PCDHA9: variants seen among roughly 807,000 people sequenced by gnomAD.
PCDHA9 encodes the protein protocadherin alpha-9.
PCDHA9 carries 62 observed loss-of-function variants against 62.0 expected under a neutral mutation model. That is an observed-to-expected ratio of 1.00 (90% CI 0.81 to 1.23). The LOEUF (loss-of-function observed/expected upper bound fraction) is 1.23. PCDHA9 is among the 50% of genes most tolerant of loss of function. The pLI is 0.00. For synonymous variants in PCDHA9, 557 were observed against 567.6 expected, an observed-to-expected ratio of 0.98 and a Z score of 0.27; for missense variants, 1,205 against 1,249.8, an observed-to-expected ratio of 0.96 and a Z score of 0.54.
intron 1 of PCDHA9, among the ~76,000 whole-genome samples, chr5:140,939,155 G>C (rs1279259680): frequency 6.6e-6 from 1 of 152,196 alleles, no homozygotes; most frequent in Non-Finnish European, 1.5e-5. Flanking sequence ...GGTCCTGGCA[G>C]ATTTGTGTCT....
chr5:140,857,687 A>C, intron 1 of PCDHA9: 1 of 1,597,130 alleles, frequency 6.3e-7, no homozygotes, highest in South Asian at 1.1e-5. Context: ...TCTGGGCAGC[A>C]ACTTGACGCT....
At position 140,968,564 on chromosome 5, in the gene PCDHA9, G is replaced by A. The variant is rs565573880; in HGVS notation, c.2395-10385G>A. ...CGAGATGGTGCCTCGAACTGCCCCT[G>A]CTGGCTACCTGGTCACCAAAGTCAT... On this transcript the variant is annotated intron_variant, in intron 1 of 3. Coordinates refer to ENST00000532602, the MANE Select transcript of PCDHA9 (RefSeq NM_031857.2). 3.1e-6 allele frequency: 5 copies of A among 1,614,168 alleles called. No homozygotes were observed. The Admixed American group carries it at 8.3e-5, about 27-fold the overall frequency.
chr5:140,868,974 C>T (rs2050775096), intron 1 of PCDHA9: 4 of 1,471,768 alleles, frequency 2.7e-6, no homozygotes, highest in South Asian at 1.4e-5. Flanking sequence ...GGAACTCCAT[C>T]ATACCGGATG....
intron 1 of PCDHA9, among the ~76,000 whole-genome samples, chr5:140,951,706 G>A (rs2094621330): frequency 6.6e-6 from 1 of 152,060 alleles, no homozygotes; most frequent in African/African-American, 2.4e-5. Context: ...CTTTGGGCGG[G>A]GACACAGATC....
intron 1 of PCDHA9, chr5:140,968,462 A>G: frequency 6.2e-7 from 1 of 1,614,104 alleles, no homozygotes; most frequent in African/African-American, 1.3e-5. Flanking sequence ...TGTGACTGCC[A>G]ACGTATATGT....
At chr5:140,884,523 A>T (rs1393275293) in intron 1 of PCDHA9, 1 of 1,614,030 alleles carries the variant, frequency 6.2e-7, no homozygotes, top group Non-Finnish European at 8.5e-7. Flanking sequence ...TCGTACTCGC[A>T]GCAGAGGCGG....
At chr5:140,902,203 C>CT (rs148688132) in intron 1 of PCDHA9, among the ~76,000 whole-genome samples, 2,237 of 124,430 alleles carry the variant, frequency 0.018, 39 homozygotes, top group East Asian at 0.05. Context: ...CTCTCTCTTT[C>CT]TTTTTTTTTT....
intron 1 of PCDHA9, among the ~76,000 whole-genome samples, chr5:140,955,323 G>A (rs1213005534): frequency 6.6e-6 from 1 of 152,098 alleles, no homozygotes; most frequent in East Asian, 1.9e-4. Flanking sequence ...ACCTTGAATT[G>A]TAGTTCCCAT....
At chr5:140,892,013 C>T (rs2063353338) in intron 1 of PCDHA9, among the ~76,000 whole-genome samples, 1 of 152,206 alleles carries the variant, frequency 6.6e-6, no homozygotes, top group South Asian at 2.1e-4. Context: ...GTTATAGCAG[C>T]ACAAATGGTC....
intron 1 of PCDHA9, chr5:140,875,630 G>A: frequency 6.2e-7 from 1 of 1,613,686 alleles, no homozygotes. Context: ...CAGGACCTGG[G>A]GCTGGAGCTG....
rs1554217734 is a variant in PCDHA9, at chr5:140,946,611, AATATATAT to A, written c.2395-32324_2395-32317del. Among the ~76,000 whole-genome samples, 24 of 86,806 alleles carry A rather than the reference AATATATAT, an allele frequency of 2.8e-4. 1 individual carries two copies. Among genetic ancestry groups the A allele is most frequent in the African/African-American group, 1.5e-3 (23 of 15,698 alleles). 56.9% of individuals were successfully genotyped at this position (86,806 alleles called of 152,430 possible). On this transcript the variant is annotated intron_variant, in intron 1 of 3. Coordinates refer to ENST00000532602, the MANE Select transcript of PCDHA9 (RefSeq NM_031857.2). ...GGATGAATAGATAAAGAAAATGTGA[AATATATAT>A]ATATATATATATACAATGGAATACT... is the stretch of plus-strand genomic sequence containing the variant.
At chr5:140,924,588 T>C (rs2081910916) in intron 1 of PCDHA9, among the ~76,000 whole-genome samples, 1 of 152,212 alleles carries the variant, frequency 6.6e-6, no homozygotes, top group East Asian at 1.9e-4. Context: ...TCAAATATTA[T>C]AGAAATATGC....
intron 1 of PCDHA9, chr5:140,853,318 A>C (rs2042706802): frequency 1.2e-5 from 12 of 984,648 alleles, no homozygotes; most frequent in Non-Finnish European, 1.5e-5. Context: ...CTTAGTAATA[A>C]ATTTATCTTT....
chr5:140,968,363 G>T (rs1448494733), intron 1 of PCDHA9: 1 of 1,614,090 alleles, frequency 6.2e-7, no homozygotes, highest in East Asian at 2.2e-5. Context: ...CAGCCTTTAT[G>T]CTGTCAACTC....
At chr5:140,967,936 T>G in intron 1 of PCDHA9, 1 of 1,614,226 alleles carries the variant, frequency 6.2e-7, no homozygotes, top group Non-Finnish European at 8.5e-7. Flanking sequence ...TCAGTGTCAA[T>G]GACCAAGACT....
At chr5:140,925,671 A>AATAATG (rs1554202870) in intron 1 of PCDHA9, among the ~76,000 whole-genome samples, 40 of 148,180 alleles carry the variant, frequency 2.7e-4, no homozygotes, top group African/African-American at 9.5e-4. Flanking sequence ...TAATAATAAT[A>AATAATG]ATAATAAAGC....
Position 140,870,321 on chromosome 5 carries a change from G to C in PCDHA9, c.2394+19432G>C, listed in dbSNP as rs1554164064. The C allele has an allele frequency of 1.9e-6, 3 of 1,614,222 alleles. No individual in the cohort carries two copies. In the Admixed American group the frequency reaches 5.0e-5, roughly 27 times the overall value. On this transcript the variant is annotated intron_variant, in intron 1 of 3. Transcript: ENST00000532602. Reference sequence around the variant, plus strand: ...CCACCTTCAAGAATTACTACTCGTTGGTGCTGGACAGCGCCCTGGACCGCG... The same window carrying C: ...CCACCTTCAAGAATTACTACTCGTTCGTGCTGGACAGCGCCCTGGACCGCG...
At chr5:140,898,573 T>C (rs1161265188) in intron 1 of PCDHA9, among the ~76,000 whole-genome samples, 3 of 152,250 alleles carry the variant, frequency 2.0e-5, no homozygotes, top group Non-Finnish European at 4.4e-5. Flanking sequence ...ACCAGTGCCA[T>C]GCTGTTTTGG....
intron 1 of PCDHA9, among the ~76,000 whole-genome samples, chr5:140,909,091 C>T: frequency 6.6e-6 from 1 of 152,220 alleles, no homozygotes; most frequent in Non-Finnish European, 1.5e-5. Flanking sequence ...TGCTACTTCT[C>T]ACTCACTGGG....
Sources: allele counts gnomAD v4.1 joint callset (sites outside exome capture counted in the v4.1 genomes callset), GRCh38; gene constraint gnomAD v4.1.1; transcripts MANE v1.5; gene names NCBI Gene and HGNC (gene_info 2026-07-23, HGNC 2026-07-21).